Variants in BMPR1B observed in about 807,000 individuals in gnomAD.
The protein encoded by BMPR1B is bone morphogenetic protein receptor type-1B.
In BMPR1B, 12 loss-of-function variants were observed where a neutral mutation model predicts 59.1. The observed-to-expected ratio is 0.20, with a 90% CI of 0.13 to 0.33. The LOEUF (loss-of-function observed/expected upper bound fraction) is 0.33. Ranked by LOEUF, BMPR1B falls within the 10% of genes least tolerant of loss-of-function variation. The pLI is 1.00. For synonymous variants in BMPR1B, 237 were observed against 207.3 expected (o/e 1.14, Z -1.23); for missense variants, 550 against 610.9 (o/e 0.90, Z 1.05).
At chr4:95,089,523 G>C (rs1459304985) in intron 3 of BMPR1B, among the ~76,000 whole-genome samples, 1 of 152,114 alleles carries the variant, frequency 6.6e-6, no homozygotes, top group Non-Finnish European at 1.5e-5. Flanking sequence ...TGGGACCACT[G>C]AGGTATACTG....
At chr4:95,130,723 C>CTTTTTTTTTTTTTTTTTTTTTTTTT (rs148720302) in intron 9 of BMPR1B, among the ~76,000 whole-genome samples, 1 of 77,940 alleles carries the variant, frequency 1.3e-5, no homozygotes, top group African/African-American at 5.5e-5. Context: ...CTTTTCTTTT[C>CTTTTTTTTTTTTTTTTTTTTTTTTT]TTTTTTTTTT....
At chr4:95,136,320 A>G (rs1182262390) in intron 10 of BMPR1B, among the ~76,000 whole-genome samples, 1 of 152,178 alleles carries the variant, frequency 6.6e-6, no homozygotes, top group African/African-American at 2.4e-5. Flanking sequence ...CCAGTATTTT[A>G]TTGAGGATTT....
At chr4:95,118,138 A>T (rs755511096) in intron 6 of BMPR1B, among the ~76,000 whole-genome samples, 6 of 152,116 alleles carry the variant, frequency 3.9e-5, no homozygotes, top group Non-Finnish European at 7.4e-5. Flanking sequence ...TCCAGATTCC[A>T]CTGCTTTGCC....
chr4:94,876,532 C>T (rs1315260994), intron 2 of BMPR1B, among the ~76,000 whole-genome samples: 1 of 152,136 alleles, frequency 6.6e-6, no homozygotes, highest in East Asian at 1.9e-4. Flanking sequence ...TTGTTCTTCA[C>T]AAGTCTGTGA....
intron 3 of BMPR1B, among the ~76,000 whole-genome samples, chr4:95,095,159 T>G (rs536745747): frequency 6.6e-6 from 1 of 151,886 alleles, no homozygotes; most frequent in East Asian, 1.9e-4. Flanking sequence ...GCCTTTAGAG[T>G]TGAAAAATTT....
At chr4:95,008,282 A>T (rs1722990049) in intron 3 of BMPR1B, among the ~76,000 whole-genome samples, 2 of 152,136 alleles carry the variant, frequency 1.3e-5, no homozygotes, top group African/African-American at 4.8e-5. Context: ...AGTGGAGTGA[A>T]TTTGTCACCT....
chr4:94,758,938 CT>C (rs1721646746), intron 1 of BMPR1B, among the ~76,000 whole-genome samples: 2 of 152,172 alleles, frequency 1.3e-5, no homozygotes, highest in Admixed American at 6.5e-5. Flanking sequence ...CTCTCTCTCT[CT>C]CAAGAGGCTT....
chr4:95,127,243 A>G (rs1732974824), intron 8 of BMPR1B, among the ~76,000 whole-genome samples: 1 of 152,184 alleles, frequency 6.6e-6, no homozygotes, highest in African/African-American at 2.4e-5. Context: ...GTTGGTATCT[A>G]AGAATGTAAT....
intron 2 of BMPR1B, among the ~76,000 whole-genome samples, chr4:94,933,950 T>C (rs1729191477): frequency 6.6e-6 from 1 of 152,154 alleles, no homozygotes; most frequent in Non-Finnish European, 1.5e-5. Flanking sequence ...TTGCGTTGTA[T>C]GACAGTCAAC....
At chr4:94,944,496 A>G (rs1729633272) in intron 2 of BMPR1B, among the ~76,000 whole-genome samples, 1 of 152,150 alleles carries the variant, frequency 6.6e-6, no homozygotes, top group Non-Finnish European at 1.5e-5. Context: ...TTCCCTGGAG[A>G]ACATGATTCA....
At chr4:95,022,114 A>T (rs1578942841) in intron 3 of BMPR1B, among the ~76,000 whole-genome samples, 1 of 152,222 alleles carries the variant, frequency 6.6e-6, no homozygotes, top group Non-Finnish European at 1.5e-5. Flanking sequence ...GTCCGCAGAA[A>T]CAAGAAGGCT....
Position 95,156,859 on chromosome 4 carries a change from G to A in BMPR1B, c.*2186G>A, listed in dbSNP as rs963135382. ...TGTGACTAATCATCTGAGCCTTGAA[G>A]AGAAACTTCAGTGCCTCTAAACAGA... is the stretch of plus-strand genomic sequence containing the variant. On this transcript the variant is annotated 3_prime_UTR_variant, in exon 13 of 13. Transcript: ENST00000515059. The A allele has an allele frequency of 1.3e-5, 2 of 152,176 alleles. No individual in the cohort carries two copies. The highest frequency in any genetic ancestry group is 6.5e-5 in the Admixed American group (1 of 15,282). The allele number at this position is 152,176 out of a possible 1,614,324, so 9.4% of individuals were successfully genotyped here.
intron 2 of BMPR1B, among the ~76,000 whole-genome samples, chr4:94,883,793 G>C (rs1348160612): frequency 1.3e-5 from 2 of 152,074 alleles, no homozygotes; most frequent in Admixed American, 6.6e-5. Context: ...AGGAACATGT[G>C]ATTTTTTTGA....
intron 7 of BMPR1B, among the ~76,000 whole-genome samples, chr4:95,124,499 C>A (rs1579118608): frequency 1.3e-5 from 2 of 151,872 alleles, no homozygotes; most frequent in East Asian, 3.9e-4. Context: ...AAATTCATTT[C>A]TAATTGAAAA....
chr4:95,098,877 C>T (rs1054383201), intron 3 of BMPR1B, among the ~76,000 whole-genome samples: 3 of 151,964 alleles, frequency 2.0e-5, no homozygotes, highest in South Asian at 2.1e-4. Flanking sequence ...CTACCATGCC[C>T]GACTAATTTT....
chr4:95,127,712 C>G (rs902289060), intron 8 of BMPR1B, among the ~76,000 whole-genome samples: 6 of 152,020 alleles, frequency 3.9e-5, no homozygotes, highest in Admixed American at 2.0e-4. Context: ...CACAGGGCTC[C>G]TAAAGAGAGG....
intron 3 of BMPR1B, among the ~76,000 whole-genome samples, chr4:95,011,064 A>G (rs1006618973): frequency 4.6e-5 from 7 of 151,550 alleles, no homozygotes; most frequent in African/African-American, 1.7e-4. Context: ...ATTTTGTTAA[A>G]TTTGTTTTTT....
chr4:95,126,149 G>C (rs570932209), intron 8 of BMPR1B, among the ~76,000 whole-genome samples: 1 of 152,026 alleles, frequency 6.6e-6, no homozygotes, highest in Non-Finnish European at 1.5e-5. Context: ...ACTAATAATG[G>C]CCATTTAAAA....
rs186746389 is a variant in BMPR1B, at chr4:95,153,155, A to G, written c.1383+382A>G. 7.1e-3 allele frequency among the ~76,000 whole-genome samples: 1,087 copies of G among 152,254 alleles called. 4 individuals are homozygous for G. The highest frequency in any genetic ancestry group is 0.02 in the Middle Eastern group (6 of 294). The stretch of plus-strand genomic sequence containing the variant: ...CAGCATTCTCCCATTTTGATTAGAG[A>G]AAAAAAGTAGGCATGTTAAAGTGAT... On this transcript the variant is annotated intron_variant, in intron 12 of 12. Transcript: ENST00000515059.
Sources: gnomAD v4.1 joint callset for allele counts (sites outside exome capture counted in the v4.1 genomes callset) on GRCh38, gnomAD v4.1.1 for gene constraint, MANE v1.5 for transcripts, NCBI Gene and HGNC (gene_info 2026-07-23, HGNC 2026-07-21) for gene names.